Variants in MACROD2 observed in about 807,000 individuals in gnomAD.
The protein encoded by MACROD2 is ADP-ribose glycohydrolase MACROD2.
In MACROD2, 36 loss-of-function variants were observed where a neutral mutation model predicts 70.4. The observed-to-expected ratio is 0.51, with a 90% CI of 0.39 to 0.68. The LOEUF is 0.68. MACROD2 is among the 30% of genes least tolerant of loss of function. MACROD2 has a pLI of 0.00. For synonymous variants in MACROD2, 172 were observed against 178.8 expected (o/e 0.96, Z 0.30); for missense variants, 496 against 538.4 (o/e 0.92, Z 0.78).
intron 2 of MACROD2, among the ~76,000 whole-genome samples, chr20:14,071,300 G>C (rs938189042): frequency 3.7e-5 from 4 of 109,546 alleles, no homozygotes; most frequent in Non-Finnish European, 5.0e-5. Context: ...TTGCTCTGTC[G>C]TCCAGGCCAG....
At chr20:15,949,617 G>C (rs2065877867) in intron 12 of MACROD2, among the ~76,000 whole-genome samples, 1 of 152,106 alleles carries the variant, frequency 6.6e-6, no homozygotes, top group South Asian at 2.1e-4. Flanking sequence ...TTTGTTAACT[G>C]GGTATCTTCG....
At chr20:15,037,425 G>A (rs1336081729) in intron 5 of MACROD2, among the ~76,000 whole-genome samples, 1 of 152,208 alleles carries the variant, frequency 6.6e-6, no homozygotes, top group Non-Finnish European at 1.5e-5. Context: ...CATTTGGCAT[G>A]TTTAAGTGAA....
At chr20:15,536,375 G>A (rs2047875388) in intron 8 of MACROD2, among the ~76,000 whole-genome samples, 1 of 152,190 alleles carries the variant, frequency 6.6e-6, no homozygotes, top group African/African-American at 2.4e-5. Context: ...CTAAAACAAA[G>A]GAAGGTGGAT....
intron 6 of MACROD2, among the ~76,000 whole-genome samples, chr20:15,279,190 C>G (rs1393968721): frequency 6.6e-6 from 1 of 152,276 alleles, no homozygotes; most frequent in East Asian, 1.9e-4. Context: ...GGGCTTCTTG[C>G]AGGGTGTAGG....
chr20:15,414,238 T>A (rs573498796), intron 6 of MACROD2, among the ~76,000 whole-genome samples: 4 of 152,298 alleles, frequency 2.6e-5, no homozygotes, highest in African/African-American at 9.6e-5. Flanking sequence ...GAAGAATCAG[T>A]AGTCTAAAAC....
At chr20:14,187,244 ATTT>A (rs1455898878) in intron 3 of MACROD2, among the ~76,000 whole-genome samples, 2 of 152,160 alleles carry the variant, frequency 1.3e-5, no homozygotes, top group African/African-American at 4.8e-5. Context: ...AAAATAGAAA[ATTT>A]TGAGAAAGAG....
intron 6 of MACROD2, among the ~76,000 whole-genome samples, chr20:15,324,849 G>T (rs949511028): frequency 8.5e-5 from 13 of 152,072 alleles, no homozygotes; most frequent in Admixed American, 7.9e-4. Context: ...AGGCAATATA[G>T]GTAAGTCTTA....
At chr20:15,893,651 A>T (rs1398810566) in intron 10 of MACROD2, 1 of 454,690 alleles carries the variant, frequency 2.2e-6, no homozygotes, top group Non-Finnish European at 4.4e-6. Flanking sequence ...AGAGTAGTAC[A>T]AACTTTTACA....
chr20:14,879,104 A>AT (rs2073583083), intron 5 of MACROD2, among the ~76,000 whole-genome samples: 1 of 152,012 alleles, frequency 6.6e-6, no homozygotes, highest in Non-Finnish European at 1.5e-5. Flanking sequence ...TGAGCTCCGT[A>AT]TTTTTTATCT....
At chr20:15,923,519 C>G (rs1286982206) in intron 10 of MACROD2, among the ~76,000 whole-genome samples, 1 of 152,152 alleles carries the variant, frequency 6.6e-6, no homozygotes, top group African/African-American at 2.4e-5. Flanking sequence ...CAATCATTCT[C>G]AAAGAGTGTG....
chr20:14,913,131 A>G (rs2074049148), intron 5 of MACROD2, among the ~76,000 whole-genome samples: 1 of 152,160 alleles, frequency 6.6e-6, no homozygotes. Context: ...CCTTGTGTGC[A>G]TGCACTTAAA....
At chr20:14,032,389 A>G (rs1199713651) in intron 2 of MACROD2, among the ~76,000 whole-genome samples, 3 of 152,136 alleles carry the variant, frequency 2.0e-5, no homozygotes, top group Admixed American at 6.5e-5. Context: ...TGACCCTTCA[A>G]AATGGCCGAA....
At chr20:14,620,603 C>T (rs138781706) in intron 4 of MACROD2, among the ~76,000 whole-genome samples, 298 of 152,130 alleles carry the variant, frequency 2.0e-3, no homozygotes, top group African/African-American at 6.6e-3. Context: ...GATTGGTTCA[C>T]TTGATTAGTG....
chr20:14,012,469 C>T (rs1181660611), intron 2 of MACROD2, among the ~76,000 whole-genome samples: 1 of 152,162 alleles, frequency 6.6e-6, no homozygotes, highest in Non-Finnish European at 1.5e-5. Context: ...GTTTTCGGAC[C>T]TGCGGGCATA....
intron 2 of MACROD2, among the ~76,000 whole-genome samples, chr20:14,074,396 C>G (rs1281071305): frequency 6.6e-6 from 1 of 152,140 alleles, no homozygotes; most frequent in East Asian, 1.9e-4. Flanking sequence ...CCTTTGAAGC[C>G]TTTGTCTTCA....
chr20:14,589,684 T>C lies in MACROD2; in HGVS notation c.302-95159T>C, dbSNP rs559980830. Among the ~76,000 whole-genome samples the C allele has an allele frequency of 2.0e-5, 3 of 152,320 alleles. No homozygotes were observed. The East Asian group carries it at 5.8e-4, about 29-fold the overall frequency. On this transcript the variant is annotated intron_variant, in intron 4 of 17. Coordinates refer to ENST00000684519, the MANE Select transcript of MACROD2 (RefSeq NM_001351661.2). ...GACATTATATTGTTGGTTTTCTCTA[T>C]ACTGTTTTCCTCTCTTTGGCTGTAT... is the stretch of plus-strand genomic sequence containing the variant.
At chr20:14,617,307 C>T (rs1380953512) in intron 4 of MACROD2, among the ~76,000 whole-genome samples, 1 of 152,064 alleles carries the variant, frequency 6.6e-6, no homozygotes, top group East Asian at 1.9e-4. Flanking sequence ...CCAATCTTTC[C>T]TCCTTTGTTG....
rs188325061 is a variant in MACROD2, at chr20:14,200,867, C to T, written c.271+115139C>T. On this transcript the variant is annotated intron_variant, in intron 3 of 17. Transcript: ENST00000684519. ...TTCATGCCTTTTTGCCTGTTTTTCTCTTAAAGTTCTAGTCTTGCTTTTGTA... is the reference window on the plus strand; with the variant it reads ...TTCATGCCTTTTTGCCTGTTTTTCTTTTAAAGTTCTAGTCTTGCTTTTGTA... Among the ~76,000 whole-genome samples the T allele has an allele frequency of 2.3e-4, 35 of 149,786 alleles. No homozygotes were observed. In the East Asian group the frequency reaches 5.8e-3, roughly 25 times the overall value.
intron 3 of MACROD2, among the ~76,000 whole-genome samples, chr20:14,232,367 A>T (rs1252068799): frequency 6.6e-6 from 1 of 152,222 alleles, no homozygotes; most frequent in Admixed American, 6.5e-5. Context: ...TCTGGCTATG[A>T]AAATCCCAGA....
Sources: gnomAD v4.1 joint callset for allele counts (sites outside exome capture counted in the v4.1 genomes callset) on GRCh38, gnomAD v4.1.1 for gene constraint, MANE v1.5 for transcripts, NCBI Gene and HGNC (gene_info 2026-07-23, HGNC 2026-07-21) for gene names.